SLC8A1: variants seen among roughly 807,000 people sequenced by gnomAD.
SLC8A1 encodes solute carrier family 8 member A1, also known as sodium/calcium exchanger 1.
A neutral mutation model predicts 68.3 loss-of-function variants in SLC8A1; 18 were observed. The ratio of observed to expected loss-of-function variants is 0.26; its 90% CI spans 0.18 to 0.39. The LOEUF (loss-of-function observed/expected upper bound fraction) is 0.39, where lower values mean the gene tolerates loss of function less well. Ranked by LOEUF, SLC8A1 falls within the 10% of genes least tolerant of loss-of-function variation. SLC8A1 has a pLI of 1.00. For missense variants in SLC8A1, 985 were observed against 1,156.7 expected, an observed-to-expected ratio of 0.85 and a Z score of 2.15; for synonymous variants, 475 against 415.5, an observed-to-expected ratio of 1.14 and a Z score of -1.74.
At chr2:40,268,514 G>A (rs549930900) in intron 2 of SLC8A1, among the ~76,000 whole-genome samples, 3 of 152,286 alleles carry the variant, frequency 2.0e-5, no homozygotes, top group Admixed American at 2.0e-4. Flanking sequence ...TATGGGGAAT[G>A]CCTTGGTACC....
intron 1 of SLC8A1, among the ~76,000 whole-genome samples, chr2:40,487,048 A>T (rs1288290024): frequency 6.6e-6 from 1 of 151,998 alleles, no homozygotes; most frequent in South Asian, 2.1e-4. Flanking sequence ...ATATGTTTTT[A>T]TGTAATACTG....
At chr2:40,237,351 C>T (rs1387835769) in intron 2 of SLC8A1, among the ~76,000 whole-genome samples, 1 of 151,990 alleles carries the variant, frequency 6.6e-6, no homozygotes, top group East Asian at 1.9e-4. Context: ...TCATTTCATT[C>T]ATTTCATCTT....
At chr2:40,290,694 A>G (rs1211893123) in intron 2 of SLC8A1, among the ~76,000 whole-genome samples, 2 of 152,208 alleles carry the variant, frequency 1.3e-5, no homozygotes, top group Non-Finnish European at 2.9e-5. Context: ...TTTATGTGTT[A>G]GTCAACAGGA....
At chr2:40,448,228 A>C (rs191470948) in intron 1 of SLC8A1, among the ~76,000 whole-genome samples, 1 of 152,158 alleles carries the variant, frequency 6.6e-6, no homozygotes, top group Admixed American at 6.6e-5. Context: ...TTTGTAATGT[A>C]TATGTGTGCA....
chr2:40,233,832 A>C (rs369461982), intron 2 of SLC8A1, among the ~76,000 whole-genome samples: 2 of 151,780 alleles, frequency 1.3e-5, no homozygotes, highest in Non-Finnish European at 2.9e-5. Context: ...CAGTTTTCCC[A>C]GCACCATTTA....
chr2:40,430,105 A>G, exon 2 of SLC8A1: 1 of 1,613,634 alleles, frequency 6.2e-7, no homozygotes, highest in Non-Finnish European at 8.5e-7. Context: ...GGGCAAAATC[A>G]CCCCTTTCTT....
At chr2:40,379,535 T>C (rs1329995222) in intron 2 of SLC8A1, among the ~76,000 whole-genome samples, 26 of 152,108 alleles carry the variant, frequency 1.7e-4, no homozygotes, top group Non-Finnish European at 4.4e-5. Flanking sequence ...AACCCTCTGG[T>C]CACCTAACCG....
intron 2 of SLC8A1, among the ~76,000 whole-genome samples, chr2:40,335,315 T>C (rs1036196470): frequency 5.3e-5 from 8 of 152,198 alleles, no homozygotes; most frequent in Non-Finnish European, 1.0e-4. Flanking sequence ...TCCTAGAATA[T>C]CAAAATATGA....
intron 2 of SLC8A1, among the ~76,000 whole-genome samples, chr2:40,234,510 G>A (rs2060103918): frequency 6.6e-6 from 1 of 152,078 alleles, no homozygotes; most frequent in South Asian, 2.1e-4. Context: ...CTGAGACAAT[G>A]GGGTTTTCTA....
At chr2:40,219,663 C>G (rs1329850655) in intron 2 of SLC8A1, among the ~76,000 whole-genome samples, 1 of 152,076 alleles carries the variant, frequency 6.6e-6, no homozygotes, top group African/African-American at 2.4e-5. Flanking sequence ...GACTTTTATT[C>G]TAATAAGTTG....
chr2:40,401,225 C>T (rs1303645268), intron 2 of SLC8A1, among the ~76,000 whole-genome samples: 1 of 152,214 alleles, frequency 6.6e-6, no homozygotes, highest in South Asian at 2.1e-4. Flanking sequence ...ATCTTCCAAA[C>T]ACCATCTACT....
chr2:40,247,962 CA>C (rs369498781), intron 2 of SLC8A1, among the ~76,000 whole-genome samples: 64 of 152,236 alleles, frequency 4.2e-4, no homozygotes, highest in African/African-American at 1.4e-3. Flanking sequence ...AGTGGCAGAG[CA>C]ATATTTTATA....
At chr2:40,173,225 TAG>T (rs913422671) in intron 4 of SLC8A1, among the ~76,000 whole-genome samples, 50 of 152,230 alleles carry the variant, frequency 3.3e-4, no homozygotes, top group African/African-American at 1.2e-3. Flanking sequence ...GTGATAGAAT[TAG>T]AGTGTTTACA....
chr2:40,310,240 G>A (rs1468026329), intron 2 of SLC8A1, among the ~76,000 whole-genome samples: 3 of 152,150 alleles, frequency 2.0e-5, no homozygotes, highest in Middle Eastern at 3.2e-3. Context: ...GTCTTATGAC[G>A]AGCCTTGGAT....
intron 1 of SLC8A1, among the ~76,000 whole-genome samples, chr2:40,479,629 TGA>T (rs1704503584): frequency 6.6e-6 from 1 of 152,182 alleles, no homozygotes; most frequent in Admixed American, 6.5e-5. Context: ...GGGTGGTAAG[TGA>T]GCTTTTCATG....
intron 2 of SLC8A1, among the ~76,000 whole-genome samples, chr2:40,263,585 A>T (rs2064983029): frequency 6.6e-6 from 1 of 152,200 alleles, no homozygotes; most frequent in Non-Finnish European, 1.5e-5. Context: ...CAAACCTGAC[A>T]AAAACAAGAA....
At chr2:40,286,538 A>G (rs1275735565) in intron 2 of SLC8A1, among the ~76,000 whole-genome samples, 1 of 152,176 alleles carries the variant, frequency 6.6e-6, no homozygotes, top group African/African-American at 2.4e-5. Flanking sequence ...ACAAAGAGAA[A>G]AGACTTGGCT....
chr2:40,247,434 ATGTGTG>A (rs3059492), intron 2 of SLC8A1, among the ~76,000 whole-genome samples: 9 of 150,636 alleles, frequency 6.0e-5, no homozygotes, highest in South Asian at 2.1e-4. Context: ...CAGCATATAT[ATGTGTG>A]TGTGTGTGTG....
At chr2:40,137,889 G>A (rs957444363) in intron 7 of SLC8A1, among the ~76,000 whole-genome samples, 5 of 152,058 alleles carry the variant, frequency 3.3e-5, no homozygotes, top group Non-Finnish European at 2.9e-5. Context: ...GAACCCCCAG[G>A]CAGGCAGTCA....
Sources: gnomAD v4.1 joint callset for allele counts (sites outside exome capture counted in the v4.1 genomes callset) on GRCh38, gnomAD v4.1.1 for gene constraint, MANE v1.5 for transcripts, NCBI Gene and HGNC (gene_info 2026-07-23, HGNC 2026-07-21) for gene names.